TRPM3: variants seen among roughly 807,000 people sequenced by gnomAD.
TRPM3 encodes the protein long transient receptor potential channel 3.
Under a neutral mutation model 181.2 loss-of-function variants are expected in TRPM3, and 77 were observed. The ratio of observed to expected loss-of-function variants is 0.42; its 90% CI spans 0.35 to 0.51. TRPM3 has a LOEUF of 0.51. Ranked by LOEUF, TRPM3 falls within the 20% of genes least tolerant of loss-of-function variation. The pLI is 0.01. For missense variants in TRPM3, 1,759 were observed against 2,196.7 expected (o/e 0.80, Z 3.98); for synonymous variants, 745 against 796.4 (o/e 0.94, Z 1.09).
At chr9:71,035,583 A>T (rs2058080041) in intron 1 of TRPM3, among the ~76,000 whole-genome samples, 1 of 152,050 alleles carries the variant, frequency 6.6e-6, no homozygotes, top group African/African-American at 2.4e-5. Context: ...CAGGCTTGAT[A>T]GCACATGCCT....
At chr9:71,260,926 G>A (rs2083009232) in intron 1 of TRPM3, among the ~76,000 whole-genome samples, 1 of 152,116 alleles carries the variant, frequency 6.6e-6, no homozygotes, top group Non-Finnish European at 1.5e-5. Flanking sequence ...CTCTCTGGCT[G>A]CCCTTAACAT....
At chr9:70,635,887 A>G (rs2057105524) in intron 11 of TRPM3, among the ~76,000 whole-genome samples, 1 of 152,216 alleles carries the variant, frequency 6.6e-6, no homozygotes. Context: ...AGCTAGGCCA[A>G]AATATGATGG....
chr9:71,013,829 A>G (rs1379621569), intron 1 of TRPM3, among the ~76,000 whole-genome samples: 1 of 151,868 alleles, frequency 6.6e-6, no homozygotes, highest in Non-Finnish European at 1.5e-5. Flanking sequence ...TTTTCCCCTT[A>G]GTTTTGATAA....
intron 1 of TRPM3, among the ~76,000 whole-genome samples, chr9:71,265,119 G>T (rs984813413): frequency 6.6e-6 from 1 of 152,084 alleles, no homozygotes; most frequent in African/African-American, 2.4e-5. Flanking sequence ...TAGTGGAAAA[G>T]ATGAATTAGA....
At chr9:70,903,753 C>A (rs1252088809) in intron 1 of TRPM3, among the ~76,000 whole-genome samples, 1 of 152,026 alleles carries the variant, frequency 6.6e-6, no homozygotes, top group Non-Finnish European at 1.5e-5. Flanking sequence ...ATTTACCATA[C>A]TTTTAGTTAA....
At chr9:71,072,815 C>T (rs1317152640) in intron 1 of TRPM3, among the ~76,000 whole-genome samples, 2 of 152,174 alleles carry the variant, frequency 1.3e-5, no homozygotes, top group African/African-American at 4.8e-5. Flanking sequence ...ATGCTGAGGG[C>T]AGTCACAACC....
chr9:71,117,569 T>C (rs569905102), intron 1 of TRPM3, among the ~76,000 whole-genome samples: 1 of 152,170 alleles, frequency 6.6e-6, no homozygotes, highest in East Asian at 1.9e-4. Flanking sequence ...AACCCTTCAT[T>C]TTAAAGAAGA....
At chr9:70,607,271 C>CTCTT (rs1338413369) in intron 19 of TRPM3, among the ~76,000 whole-genome samples, 1 of 152,172 alleles carries the variant, frequency 6.6e-6, no homozygotes, top group African/African-American at 2.4e-5. Flanking sequence ...GTGAGAAATA[C>CTCTT]TCTTACAGAG....
chr9:70,899,326 T>G (rs1305004493), intron 1 of TRPM3, among the ~76,000 whole-genome samples: 1 of 152,202 alleles, frequency 6.6e-6, no homozygotes, highest in East Asian at 1.9e-4. Context: ...AAACAAGGTC[T>G]TTCTGGAAAA....
intron 1 of TRPM3, among the ~76,000 whole-genome samples, chr9:71,244,511 T>C (rs1037339059): frequency 6.6e-6 from 1 of 152,068 alleles, no homozygotes; most frequent in Non-Finnish European, 1.5e-5. Context: ...ATCCTCTAAG[T>C]CACCCTTGAG....
chr9:70,667,210 GC>G (rs890373725), intron 9 of TRPM3, among the ~76,000 whole-genome samples: 14 of 152,004 alleles, frequency 9.2e-5, no homozygotes, highest in African/African-American at 3.1e-4. Flanking sequence ...CTGACTGGAA[GC>G]CCCCGAGAAC....
intron 1 of TRPM3, among the ~76,000 whole-genome samples, chr9:70,981,814 G>T (rs1321214813): frequency 6.6e-6 from 1 of 152,076 alleles, no homozygotes; most frequent in African/African-American, 2.4e-5. Flanking sequence ...ACACATAATA[G>T]AAAGTTCAAG....
At chr9:71,208,404 G>A (rs1394306) in intron 1 of TRPM3, among the ~76,000 whole-genome samples, 65,251 of 151,736 alleles carry the variant, frequency 0.43, 14,404 homozygotes, top group East Asian at 0.52. Flanking sequence ...GAAATACTAG[G>A]CTTTCATCCT....
At chr9:70,610,865 C>CAGAG (rs1443621071) in intron 18 of TRPM3, 116 bp from the exon 19 acceptor site, 3 of 1,280,312 alleles carry the variant, frequency 2.3e-6, no homozygotes, top group Non-Finnish European at 2.2e-6. Flanking sequence ...CCCAAGGCCC[C>CAGAG]AGAGATTTAG....
At chr9:71,009,113 A>G (rs185095913) in intron 1 of TRPM3, among the ~76,000 whole-genome samples, 46 of 152,350 alleles carry the variant, frequency 3.0e-4, no homozygotes, top group African/African-American at 1.1e-3. Context: ...ACCCACAGTT[A>G]TAAATGGGAG....
At chr9:71,338,943 T>A (rs2090764384) in intron 1 of TRPM3, among the ~76,000 whole-genome samples, 1 of 152,194 alleles carries the variant, frequency 6.6e-6, no homozygotes, top group South Asian at 2.1e-4. Flanking sequence ...AAACTATCTC[T>A]ATTTGTAGAT....
At chr9:70,571,364 T>C (rs1228844435) in intron 22 of TRPM3, among the ~76,000 whole-genome samples, 2 of 152,154 alleles carry the variant, frequency 1.3e-5, no homozygotes, top group South Asian at 2.1e-4. Flanking sequence ...GTTGCTGATA[T>C]GTGTAAAGGT....
At chr9:70,783,137 G>A (rs902441577) in intron 7 of TRPM3, among the ~76,000 whole-genome samples, 1 of 152,160 alleles carries the variant, frequency 6.6e-6, no homozygotes, top group Non-Finnish European at 1.5e-5. Context: ...TGAGCATCTT[G>A]AGAGTGGCAA....
intron 6 of TRPM3, among the ~76,000 whole-genome samples, chr9:70,807,207 GA>G (rs1478163276): frequency 2.6e-5 from 4 of 152,196 alleles, no homozygotes; most frequent in Admixed American, 2.0e-4. Context: ...ATAAATGGAG[GA>G]AAATCAATAG....
Sources: gnomAD v4.1 joint callset for allele counts (sites outside exome capture counted in the v4.1 genomes callset) on GRCh38, gnomAD v4.1.1 for gene constraint, MANE v1.5 for transcripts, NCBI Gene and HGNC (gene_info 2026-07-23, HGNC 2026-07-21) for gene names.